The following SERPINA1 variants were observed in gnomAD, a reference collection of about 807,000 sequenced individuals.
SERPINA1 encodes the protein alpha-1-antitrypsin.
Under a neutral mutation model 25.4 loss-of-function variants are expected in SERPINA1, and 21 were observed. That is an observed-to-expected ratio of 0.83 (90% CI 0.59 to 1.19). The LOEUF is 1.19. SERPINA1 is among the 50% of genes most tolerant of loss of function. The probability of loss-of-function intolerance (pLI) is 0.00; values close to 1 mark genes in which losing one functional copy is unlikely to be tolerated. For missense variants in SERPINA1, 546 were observed against 509.0 expected, an observed-to-expected ratio of 1.07 and a Z score of -0.70; for synonymous variants, 218 against 211.1, an observed-to-expected ratio of 1.03 and a Z score of -0.29.
At chr14:94,380,471 C>CA (rs1351698076) in intron 3 of SERPINA1, among the ~76,000 whole-genome samples, 1 of 152,212 alleles carries the variant, frequency 6.6e-6, no homozygotes, top group African/African-American at 2.4e-5. Context: ...CCCGTCCCCC[C>CA]AGGGACATTC....
intron 1 of SERPINA1, among the ~76,000 whole-genome samples, chr14:94,386,051 A>T (rs536326047): frequency 6.6e-6 from 1 of 152,304 alleles, no homozygotes; most frequent in East Asian, 1.9e-4. Flanking sequence ...TGTTGGGTTC[A>T]TTATGCCTCC....
chr14:94,381,505 T>C (rs1275975641), intron 2 of SERPINA1, among the ~76,000 whole-genome samples: 1 of 152,230 alleles, frequency 6.6e-6, no homozygotes. Context: ...GTACCTTCTG[T>C]CTAAGGCTCC....
At chr14:94,387,166 C>T (rs1897337191) in intron 1 of SERPINA1, among the ~76,000 whole-genome samples, 1 of 152,210 alleles carries the variant, frequency 6.6e-6, no homozygotes, top group Admixed American at 6.5e-5. Context: ...GAGCATCAGT[C>T]TGTGGCTAAA....
rs1251203297 is a variant in SERPINA1 at position 94,380,927 on chromosome 14, C to T, written c.861G>A (p.Leu287=). 7 of 1,614,184 alleles carry T rather than the reference C, an allele frequency of 4.3e-6. No individual in the cohort carries two copies. Among genetic ancestry groups the T allele is most frequent in the Non-Finnish European group, 5.9e-6 (7 of 1,180,034 alleles). The change falls in exon 3 of 5, where the codon CTG becomes CTA. Residue 287 remains leucine, a synonymous_variant. Transcript: ENST00000393087. ...FLPDEGKLQH[L]ENELTHDIIT... ...TGATATCGTGGGTGAGTTCATTTTC[C>T]AGGTGCTGTAGTTTCCCCTCATCAG... is the stretch of plus-strand genomic sequence containing the variant.
chr14:94,389,339 C>T (rs528725832), upstream of SERPINA1, among the ~76,000 whole-genome samples: 15 of 152,294 alleles, frequency 9.8e-5, no homozygotes, highest in African/African-American at 3.1e-4. Context: ...TGAAGTGCCT[C>T]GGGTGAAGTG....
intron 1 of SERPINA1, among the ~76,000 whole-genome samples, chr14:94,385,010 T>G (rs1294319409): frequency 6.6e-6 from 1 of 152,232 alleles, no homozygotes; most frequent in Non-Finnish European, 1.5e-5. Context: ...GTGCTAAAAT[T>G]AGTGCTGTAT....
In SERPINA1 at chr14:94,382,843, C is replaced by T. The variant is rs1383642353; in HGVS notation, c.395G>A (p.Ser132Asn). ...ELLRTLNQPD[S>N]QLQLTTGNGL... ...ATTGCCGGTGGTCAGCTGGAGCTGGCTGTCTGGCTGGTTGAGGGTACGGAG... is the reference window on the plus strand; with the variant it reads ...ATTGCCGGTGGTCAGCTGGAGCTGGTTGTCTGGCTGGTTGAGGGTACGGAG... Residue 132 changes from serine (S) to asparagine (N), a missense_variant, in exon 2 of 5, where the codon AGC (serine) becomes AAC (asparagine). Physicochemically the swap from Ser to Asn is conservative, Grantham distance 46. Transcript: ENST00000393087. 1.2e-6 allele frequency: 2 copies of T among 1,614,028 alleles called. No homozygotes were observed. The highest frequency in any genetic ancestry group is 1.7e-6 in the Non-Finnish European group (2 of 1,180,010).
chr14:94,381,458 T>G (rs1896911049), intron 2 of SERPINA1, among the ~76,000 whole-genome samples: 1 of 152,236 alleles, frequency 6.6e-6, no homozygotes, highest in East Asian at 1.9e-4. Context: ...GTGTCTTGGA[T>G]ATTACAAATA....
In SERPINA1 at chr14:94,378,052, G is replaced by T; in HGVS notation, c.*397C>A. On this transcript the variant is annotated 3_prime_UTR_variant, in exon 5 of 5. Coordinates refer to ENST00000393087, the MANE Select transcript of SERPINA1 (RefSeq NM_000295.5). ...GGTGGGGGGGAGTGGGGGATGAGCA[G>T]GGGGACATGAAGATGCTTGGTGGAG... 1 of 226,160 alleles carries T rather than the reference G, an allele frequency of 4.4e-6. No individual in the cohort carries two copies. Among genetic ancestry groups the T allele is most frequent in the South Asian group, 7.8e-5 (1 of 12,870 alleles). 14.0% of individuals were successfully genotyped at this position (226,160 alleles called of 1,614,324 possible). A position where few individuals can be genotyped will look rare whatever the true frequency, so the allele number is the denominator to read the frequency against.
intron 1 of SERPINA1, among the ~76,000 whole-genome samples, chr14:94,385,631 T>C (rs1331132445): frequency 6.6e-6 from 1 of 152,200 alleles, no homozygotes; most frequent in Non-Finnish European, 1.5e-5. Flanking sequence ...CCAGCCAGGA[T>C]TCTTGGTTAG....
At chr14:94,378,700 C>T in intron 4 of SERPINA1, 60 bp from the exon 5 acceptor site, 2 of 1,523,886 alleles carry the variant, frequency 1.3e-6, no homozygotes, top group Non-Finnish European at 8.8e-7. Context: ...GAGCAAGGCT[C>T]ACGTGGACAC....
At chr14:94,380,576 T>G in intron 3 of SERPINA1, 1 of 477,726 alleles carries the variant, frequency 2.1e-6, no homozygotes, top group East Asian at 3.9e-5. Flanking sequence ...CTGCTGTCCC[T>G]GCCCTGGGCA....
Position 94,382,679 on chromosome 14 carries a change from T to A in SERPINA1, c.559A>T (p.Lys187Ter). Reference sequence around the variant, plus strand: ...TCCACAATTTTCCCTTGAGTACCCTTCTCCACGTAATCGTTGATCTGTTTC... The same window carrying A: ...TCCACAATTTTCCCTTGAGTACCCTACTCCACGTAATCGTTGATCTGTTTC... ...AKKQINDYVE[K>*]GTQGKIVDLV... is the part of the protein sequence containing the mutation. The change falls in exon 2 of 5, where the codon AAG (lysine) becomes TAG (stop). Residue 187 changes from lysine to a stop codon, truncating the protein, a stop_gained. Coordinates refer to ENST00000393087, the MANE Select transcript of SERPINA1 (RefSeq NM_000295.5). LOFTEE classifies it high-confidence loss of function. The A allele has an allele frequency of 6.2e-7, 1 of 1,614,244 alleles. No individual in the cohort carries two copies.
Position 94,382,596 on chromosome 14 carries a change from AAAG to A in SERPINA1, c.639_641del (p.Phe214del), listed in dbSNP as rs1897007673. 6.2e-7 allele frequency: 1 copy of A among 1,614,086 alleles called. No individual in the cohort carries two copies. Among genetic ancestry groups the A allele is most frequent in the African/African-American group, 1.3e-5 (1 of 74,938 alleles). The stretch of plus-strand genomic sequence containing the variant: ...AGGCTGGTTGAGCAACCTTACCTTT[AAAG>A]AAGATGTAATTCACCAGAGCAAAAA... On this transcript the variant is annotated inframe_deletion, in exon 2 of 5. Transcript: ENST00000393087.
chr14:94,387,902 GAGCCCTGGGTGAC>G (rs1324972367), intron 1 of SERPINA1, among the ~76,000 whole-genome samples: 4 of 152,154 alleles, frequency 2.6e-5, no homozygotes, highest in Non-Finnish European at 5.9e-5. Context: ...ATGCCAGCTT[GAGCCCTGGGTGAC>G]AGTGCCCCTC....
intron 1 of SERPINA1, among the ~76,000 whole-genome samples, chr14:94,386,470 C>T (rs998265036): frequency 1.3e-5 from 2 of 152,188 alleles, no homozygotes; most frequent in African/African-American, 4.8e-5. Flanking sequence ...GTGACCAGGC[C>T]CTGTCACTTA....
intron 3 of SERPINA1, among the ~76,000 whole-genome samples, chr14:94,380,197 T>C (rs972364000): frequency 1.3e-5 from 2 of 152,280 alleles, no homozygotes; most frequent in African/African-American, 2.4e-5. Flanking sequence ...CCAGCCTCGA[T>C]TCCTATTATG....
intron 3 of SERPINA1, among the ~76,000 whole-genome samples, chr14:94,380,123 C>G (rs1896778330): frequency 6.6e-6 from 1 of 152,298 alleles, no homozygotes; most frequent in Non-Finnish European, 1.5e-5. Flanking sequence ...CTCTCAGCCT[C>G]TTTGTTCTTT....
At chr14:94,378,780 G>A (rs1896596761) in intron 4 of SERPINA1, 140 bp from the exon 5 acceptor site, 5 of 911,132 alleles carry the variant, frequency 5.5e-6, no homozygotes, top group African/African-American at 3.3e-5. Flanking sequence ...TGTCACATAG[G>A]CCTTGCTCCT....
Sources: gnomAD v4.1 joint callset for allele counts (sites outside exome capture counted in the v4.1 genomes callset) on GRCh38, gnomAD v4.1.1 for gene constraint, MANE v1.5 for transcripts, NCBI Gene and HGNC (gene_info 2026-07-23, HGNC 2026-07-21) for gene names.